JAK2: variants seen among roughly 807,000 people sequenced by gnomAD.
The protein encoded by JAK2 is tyrosine-protein kinase JAK2.
In JAK2, 86 loss-of-function variants were observed where a neutral mutation model predicts 139.3. The ratio of observed to expected loss-of-function variants is 0.62; its 90% confidence interval spans 0.52 to 0.74. The LOEUF is 0.74. Ranked by LOEUF, JAK2 falls within the 30% of genes least tolerant of loss-of-function variation. The pLI, the probability that JAK2 is intolerant of heterozygous loss-of-function variation, is 0.00. For missense variants in JAK2, 1,421 were observed against 1,360.3 expected (o/e 1.04, Z -0.70); for synonymous variants, 490 against 437.7 (o/e 1.12, Z -1.49).
At chr9:5,112,164 A>G (rs2130803083) in intron 22 of JAK2, 1 of 276,762 alleles carries the variant, frequency 3.6e-6, no homozygotes, top group Non-Finnish European at 7.3e-6. Context: ...ACACGCTGCT[A>G]CCCGGCCACC....
intron 2 of JAK2, among the ~76,000 whole-genome samples, chr9:4,988,011 A>G (rs1054686174): frequency 6.6e-6 from 1 of 152,136 alleles, no homozygotes; most frequent in African/African-American, 2.4e-5. Context: ...CTGGTGAGGG[A>G]GTATTACAGC....
chr9:5,095,582 A>G (rs767223916), intron 22 of JAK2, among the ~76,000 whole-genome samples: 16 of 152,120 alleles, frequency 1.1e-4, no homozygotes, highest in Admixed American at 5.9e-4. Context: ...GAAGTAACCC[A>G]GGGAACTTCT....
At position 5,054,861 on chromosome 9, in the gene JAK2, G is replaced by C. The variant is rs1292588542; in HGVS notation, c.913G>C (p.Glu305Gln). 6.2e-7 allele frequency: 1 copy of C among 1,606,142 alleles called. No homozygotes were observed. The highest frequency in any genetic ancestry group is 8.5e-7 in the Non-Finnish European group (1 of 1,176,502). The change falls in exon 7 of 25, where the codon GAA (glutamate) becomes CAA (glutamine). Residue 305 changes from glutamate to glutamine, a missense_variant. By Grantham distance (29) the Glu-to-Gln change is conservative (BLOSUM62 2). Transcript: ENST00000381652. The surrounding 1 kb of genome is among the most constrained non-coding windows in gnomAD (Gnocchi z 4.9). Reference sequence around the variant, plus strand: ...TCAGTGGTCAAGAGGGAAACATAAAGAAAGTGAGACACTGACAGAACAGGT... The same window carrying C: ...TCAGTGGTCAAGAGGGAAACATAAACAAAGTGAGACACTGACAGAACAGGT... ...GIQWSRGKHK[E>Q]SETLTEQDLQ...
intron 2 of JAK2, among the ~76,000 whole-genome samples, chr9:5,007,088 TG>T (rs1402098318): frequency 3.3e-5 from 5 of 152,146 alleles, no homozygotes; most frequent in African/African-American, 1.2e-4. Context: ...CGTTTTACTT[TG>T]CTTTTCTTTA....
At chr9:5,025,692 C>T (rs1388867484) in intron 3 of JAK2, among the ~76,000 whole-genome samples, 1 of 152,036 alleles carries the variant, frequency 6.6e-6, no homozygotes, top group Non-Finnish European at 1.5e-5. Context: ...ACCACCACAC[C>T]CAGCTAATTT....
chr9:5,030,925 A>G (rs80351717), intron 4 of JAK2, among the ~76,000 whole-genome samples: 14,043 of 152,182 alleles, frequency 0.092, 1,956 homozygotes, highest in African/African-American at 0.31. Flanking sequence ...TAGATGTACA[A>G]AAATCAACAG....
intron 11 of JAK2, among the ~76,000 whole-genome samples, chr9:5,069,645 C>T (rs1818812929): frequency 6.6e-6 from 1 of 151,834 alleles, no homozygotes; most frequent in Non-Finnish European, 1.5e-5. Flanking sequence ...AAGGAAGTTA[C>T]TATAATTTTG....
In JAK2 at chr9:5,081,876, T is replaced by C; in HGVS notation, c.2571+15T>C. ...AACTTGGCAAGGTAAATTGTCAGAA[T>C]TTTTTCAAATAGAGTATAATCATTT... On this transcript the variant is annotated intron_variant, in intron 19 of 24. Transcript: ENST00000381652. The C allele has an allele frequency of 6.2e-7, 1 of 1,601,146 alleles. No individual in the cohort carries two copies. Among genetic ancestry groups the C allele is most frequent in the Non-Finnish European group, 8.5e-7 (1 of 1,169,842 alleles).
intron 22 of JAK2, among the ~76,000 whole-genome samples, chr9:5,122,150 A>G (rs554203438): frequency 6.6e-6 from 1 of 152,228 alleles, no homozygotes; most frequent in Admixed American, 6.5e-5. Flanking sequence ...TGGGATTTTG[A>G]AGGAGAGATT....
intron 22 of JAK2, among the ~76,000 whole-genome samples, chr9:5,117,756 T>C (rs985155675): frequency 1.3e-5 from 2 of 152,144 alleles, no homozygotes; most frequent in Non-Finnish European, 2.9e-5. Flanking sequence ...CAAAAGTTTT[T>C]TGGCAACCTC....
chr9:5,073,131 A>G (rs1043372271), intron 13 of JAK2, among the ~76,000 whole-genome samples: 5 of 152,210 alleles, frequency 3.3e-5, no homozygotes, highest in East Asian at 3.8e-4. Context: ...TGTTGGTGTT[A>G]GAAGATGATG....
intron 3 of JAK2, among the ~76,000 whole-genome samples, chr9:5,025,684 C>T (rs1822738904): frequency 6.6e-6 from 1 of 152,050 alleles, no homozygotes; most frequent in Non-Finnish European, 1.5e-5. Flanking sequence ...AGGCACCCAC[C>T]ACCACACCCA....
intron 4 of JAK2, among the ~76,000 whole-genome samples, chr9:5,043,945 G>A (rs1288131715): frequency 6.6e-6 from 1 of 152,154 alleles, no homozygotes; most frequent in Non-Finnish European, 1.5e-5. Context: ...GGACTTTATG[G>A]TATGTGAATT....
At chr9:5,078,508 ATGT>A in intron 16 of JAK2, 64 bp downstream of exon 16, 1 of 1,257,520 alleles carries the variant, frequency 8.0e-7, no homozygotes, top group East Asian at 2.5e-5. Flanking sequence ...TGTAAAGGGC[ATGT>A]TGTTAATTTT....
intron 2 of JAK2, among the ~76,000 whole-genome samples, chr9:5,019,073 C>G (rs1822248257): frequency 1.3e-5 from 2 of 152,138 alleles, no homozygotes; most frequent in Non-Finnish European, 2.9e-5. Flanking sequence ...GATCTCTGAG[C>G]TTCTGTATCT....
chr9:5,087,899 T>G (rs895775140), intron 19 of JAK2, among the ~76,000 whole-genome samples: 1 of 152,248 alleles, frequency 6.6e-6, no homozygotes, highest in African/African-American at 2.4e-5. Context: ...CATTTATGTT[T>G]CCAATGTTAA....
intron 4 of JAK2, chr9:5,041,225 C>T: frequency 6.8e-7 from 1 of 1,470,702 alleles, no homozygotes; most frequent in Admixed American, 1.7e-5. Context: ...GGTGGGGCGC[C>T]CGGGGACCAA....
At chr9:5,047,067 T>A (rs532389987) in intron 5 of JAK2, among the ~76,000 whole-genome samples, 6 of 152,346 alleles carry the variant, frequency 3.9e-5, no homozygotes, top group African/African-American at 1.4e-4. Flanking sequence ...AATTCCACCA[T>A]ATAATTCTAA....
intron 2 of JAK2, among the ~76,000 whole-genome samples, chr9:5,019,314 C>G (rs541580591): frequency 2.0e-5 from 3 of 152,032 alleles, no homozygotes; most frequent in African/African-American, 7.2e-5. Context: ...ATTCTTTCTT[C>G]GTAGATGCTC....
Sources: allele counts gnomAD v4.1 joint callset (sites outside exome capture counted in the v4.1 genomes callset), GRCh38; gene constraint gnomAD v4.1.1; non-coding constraint Gnocchi (gnomAD v3.1); transcripts MANE v1.5; gene names NCBI Gene and HGNC (gene_info 2026-07-23, HGNC 2026-07-21).